CNTLN: variants seen among roughly 807,000 people sequenced by gnomAD.
The protein encoded by CNTLN is centlein, centrosomal protein.
A neutral mutation model predicts 180.0 loss-of-function variants in CNTLN; 212 were observed. The observed-to-expected ratio is 1.18, with a 90% confidence interval of 1.05 to 1.32. The LOEUF (loss-of-function observed/expected upper bound fraction) is 1.32, where lower values mean the gene tolerates loss of function less well. CNTLN is among the 40% of genes most tolerant of loss of function. The pLI is 0.00. For missense variants in CNTLN, 2,095 were observed against 1,610.9 expected (o/e 1.30, Z -5.14); for synonymous variants, 722 against 563.1 (o/e 1.28, Z -3.99).
chr9:17,204,798 C>T (rs556453713), intron 2 of CNTLN, among the ~76,000 whole-genome samples: 4 of 152,172 alleles, frequency 2.6e-5, no homozygotes, highest in Non-Finnish European at 4.4e-5. Flanking sequence ...AGCCGCCCCT[C>T]CCCCCAGGTG....
the CNTLN span, among the ~76,000 whole-genome samples, chr9:17,518,255 G>C: frequency 6.6e-6 from 1 of 151,682 alleles, no homozygotes; most frequent in South Asian, 2.1e-4. Flanking sequence ...CACCATGTTT[G>C]CCAGGCTGGT....
At chr9:17,463,378 G>GT (rs1831562982) in intron 20 of CNTLN, among the ~76,000 whole-genome samples, 1 of 151,566 alleles carries the variant, frequency 6.6e-6, no homozygotes, top group African/African-American at 2.4e-5. Flanking sequence ...TAAAGCTAAG[G>GT]TAAAAAAAGG....
At chr9:17,432,506 A>G (rs750301770) in intron 18 of CNTLN, among the ~76,000 whole-genome samples, 2 of 152,254 alleles carry the variant, frequency 1.3e-5, no homozygotes, top group African/African-American at 2.4e-5. Flanking sequence ...AACACAGAAG[A>G]TATATGAGTT....
intron 18 of CNTLN, among the ~76,000 whole-genome samples, chr9:17,432,474 G>A (rs1012139645): frequency 6.6e-6 from 1 of 152,070 alleles, no homozygotes; most frequent in East Asian, 1.9e-4. Flanking sequence ...TCAGAAAATG[G>A]CATAGAGACA....
chr9:17,280,278 T>C (rs1448326696), intron 6 of CNTLN, among the ~76,000 whole-genome samples: 1 of 152,184 alleles, frequency 6.6e-6, no homozygotes, highest in Non-Finnish European at 1.5e-5. Flanking sequence ...CTCTTTCAAC[T>C]AACCTAGATT....
At chr9:17,187,589 G>A (rs1367267574) in intron 2 of CNTLN, among the ~76,000 whole-genome samples, 2 of 151,714 alleles carry the variant, frequency 1.3e-5, no homozygotes, top group African/African-American at 4.8e-5. Context: ...TATAAAAGTT[G>A]GATCATGTTT....
chr9:17,332,460 G>C (rs1469655997), intron 9 of CNTLN, 145 bp from the exon 10 acceptor site: 1 of 686,658 alleles, frequency 1.5e-6, no homozygotes, highest in African/African-American at 1.9e-5. Flanking sequence ...AATTCCGCTT[G>C]TTATTTCTCT....
intron 15 of CNTLN, among the ~76,000 whole-genome samples, chr9:17,398,099 G>A (rs1826676174): frequency 6.6e-6 from 1 of 152,006 alleles, no homozygotes; most frequent in South Asian, 2.1e-4. Flanking sequence ...ATTTCCCATA[G>A]TTGAATAGTA....
At chr9:17,315,918 T>C (rs1422868663) in intron 8 of CNTLN, among the ~76,000 whole-genome samples, 4 of 151,176 alleles carry the variant, frequency 2.6e-5, no homozygotes, top group Non-Finnish European at 5.9e-5. Flanking sequence ...TGTTGAATTT[T>C]TCCAACCATA....
chr9:17,354,198 C>T (rs111286288), intron 12 of CNTLN, among the ~76,000 whole-genome samples: 27 of 152,320 alleles, frequency 1.8e-4, no homozygotes, highest in African/African-American at 5.3e-4. Flanking sequence ...ACCTGCAGCC[C>T]GCCATGCCTG....
chr9:17,245,789 A>C, intron 5 of CNTLN, among the ~76,000 whole-genome samples: 1 of 151,744 alleles, frequency 6.6e-6, no homozygotes, highest in East Asian at 1.9e-4. Context: ...TCTTCAATCT[A>C]ACTAGTTCTT....
At position 17,464,647 on chromosome 9, in the gene CNTLN, C is replaced by T. The variant is rs778502633; in HGVS notation, c.3531+24C>T. 6 of 1,336,558 alleles carry T rather than the reference C, an allele frequency of 4.5e-6. 1 individual carries two copies. In the South Asian group the frequency reaches 7.4e-5, roughly 17 times the overall value. The allele number at this position is 1,336,558 out of a possible 1,614,324, so 82.8% of individuals were successfully genotyped here. On this transcript the variant is annotated intron_variant, in intron 21 of 25. Coordinates refer to ENST00000380647, the MANE Select transcript of CNTLN (RefSeq NM_017738.4). ...AGGTATCAATTTTTATCTTTACTGA[C>T]ACTAAAAATATCACTTCCTGTTGTA...
intron 12 of CNTLN, among the ~76,000 whole-genome samples, chr9:17,364,156 A>T (rs1192954372): frequency 3.3e-5 from 5 of 152,108 alleles, no homozygotes; most frequent in Admixed American, 3.3e-4. Context: ...TCATATCTTC[A>T]TCAGTTCTCA....
Position 17,135,041 on chromosome 9 carries a change from A to T in CNTLN, c.-25A>T, listed in dbSNP as rs554253415. ...AGGGAGGTGGAGTTTCCAACAGGGA[A>T]CTTGACCCGTTAGCAGCCGCAGCCA... On this transcript the variant is annotated 5_prime_UTR_variant, in exon 1 of 26. Transcript: ENST00000380647. 1.5e-5 allele frequency: 23 copies of T among 1,584,170 alleles called. No individual in the cohort carries two copies. The highest frequency in any genetic ancestry group is 1.8e-5 in the Non-Finnish European group (21 of 1,171,858).
At chr9:17,135,531 C>T in intron 1 of CNTLN, 106 bp downstream of exon 1, 2 of 1,373,178 alleles carry the variant, frequency 1.5e-6, no homozygotes, top group Non-Finnish European at 1.9e-6. Context: ...CGCCCAGCGA[C>T]GCTCCCTGGC....
intron 15 of CNTLN, among the ~76,000 whole-genome samples, chr9:17,400,703 G>T (rs4961559): frequency 0.29 from 43,693 of 151,938 alleles, 6,378 homozygotes; most frequent in South Asian, 0.43. Flanking sequence ...ATTATTAAAA[G>T]GAATCATTTT....
chr9:17,177,621 G>C (rs1563851371), intron 2 of CNTLN, among the ~76,000 whole-genome samples: 1 of 152,080 alleles, frequency 6.6e-6, no homozygotes, highest in African/African-American at 2.4e-5. Flanking sequence ...ACTGGCTCAG[G>C]AGTGAAGCTG....
chr9:17,156,251 A>G (rs112172012), intron 2 of CNTLN, among the ~76,000 whole-genome samples: 2,249 of 152,330 alleles, frequency 0.015, 26 homozygotes, highest in Non-Finnish European at 0.026. Context: ...AGGCCAGTTT[A>G]CAAATTCTGA....
At chr9:17,271,954 T>C (rs1827976225) in intron 5 of CNTLN, among the ~76,000 whole-genome samples, 1 of 152,198 alleles carries the variant, frequency 6.6e-6, no homozygotes, top group South Asian at 2.1e-4. Context: ...TAGTATATTC[T>C]GTATATTTAT....
Sources: allele counts gnomAD v4.1 joint callset (sites outside exome capture counted in the v4.1 genomes callset), GRCh38; gene constraint gnomAD v4.1.1; transcripts MANE v1.5; gene names NCBI Gene and HGNC (gene_info 2026-07-23, HGNC 2026-07-21).